ANKRD36: variants seen among roughly 807,000 people sequenced by gnomAD.
ANKRD36 encodes the protein ankyrin repeat domain 36, also known as ankyrin repeat domain-containing protein 36A.
Under a neutral mutation model 278.1 loss-of-function variants are expected in ANKRD36, and 179 were observed. That is an observed-to-expected ratio of 0.64 (90% CI 0.57 to 0.73). The LOEUF is 0.73. Among genes scored for constraint, ANKRD36 ranks in the 30% least tolerant of loss-of-function variants. The probability of loss-of-function intolerance (pLI) is 0.00; values close to 1 mark genes in which losing one functional copy is unlikely to be tolerated. For missense variants in ANKRD36, 1,159 were observed against 1,956.7 expected, an observed-to-expected ratio of 0.59 and a Z score of 7.69; for synonymous variants, 320 against 641.1, an observed-to-expected ratio of 0.50 and a Z score of 7.57.
chr2:97,219,470 T>TTTTTG (rs1408648845), intron 66 of ANKRD36, among the ~76,000 whole-genome samples: 5 of 152,076 alleles, frequency 3.3e-5, no homozygotes, highest in Admixed American at 2.6e-4. Context: ...TTTGTTTTGT[T>TTTTTG]TTTTGTTTTG....
At chr2:97,177,427 A>G (rs1462927359) in intron 22 of ANKRD36, among the ~76,000 whole-genome samples, 4 of 151,930 alleles carry the variant, frequency 2.6e-5, no homozygotes. Context: ...ACTTCAAACT[A>G]TACTACAAGG....
At chr2:97,146,211 C>G (rs928286915) in intron 10 of ANKRD36, among the ~76,000 whole-genome samples, 5 of 151,816 alleles carry the variant, frequency 3.3e-5, no homozygotes, top group Non-Finnish European at 7.4e-5. Flanking sequence ...AAGTTATCCA[C>G]CCACCTCAGC....
intron 1 of ANKRD36, among the ~76,000 whole-genome samples, chr2:97,116,074 G>A (rs2035238653): frequency 6.6e-6 from 1 of 151,906 alleles, no homozygotes; most frequent in African/African-American, 2.4e-5. Flanking sequence ...CCAAATATGT[G>A]TACAAAATGT....
At chr2:97,180,285 G>A (rs78660146) in intron 24 of ANKRD36, among the ~76,000 whole-genome samples, 2 of 151,564 alleles carry the variant, frequency 1.3e-5, no homozygotes, top group African/African-American at 4.8e-5. Context: ...TATAGGCATC[G>A]TATCATATTG....
At chr2:97,130,208 A>G (rs2039723524) in intron 6 of ANKRD36, among the ~76,000 whole-genome samples, 1 of 151,942 alleles carries the variant, frequency 6.6e-6, no homozygotes, top group Non-Finnish European at 1.5e-5. Flanking sequence ...AATGTCCAAC[A>G]CTGATAGACT....
chr2:97,164,854 G>A (rs938046750), intron 20 of ANKRD36, among the ~76,000 whole-genome samples: 6 of 152,018 alleles, frequency 3.9e-5, no homozygotes, highest in Admixed American at 1.3e-4. Context: ...AATTGTTTTA[G>A]AACTTCAACG....
intron 17 of ANKRD36, among the ~76,000 whole-genome samples, chr2:97,159,982 A>G (rs1371398627): frequency 6.6e-6 from 1 of 152,224 alleles, no homozygotes; most frequent in Non-Finnish European, 1.5e-5. Context: ...ACGGGGTTTC[A>G]CTGTGTTAGC....
intron 52 of ANKRD36, among the ~76,000 whole-genome samples, 199 bp from the exon 53 acceptor site, chr2:97,207,612 G>A (rs4063407): frequency 1.3e-5 from 2 of 151,552 alleles, no homozygotes; most frequent in Admixed American, 6.6e-5. Context: ...GAAATTCTAA[G>A]ACTATATTTC....
intron 6 of ANKRD36, among the ~76,000 whole-genome samples, chr2:97,131,172 C>T (rs1450160900): frequency 6.6e-6 from 1 of 151,692 alleles, no homozygotes; most frequent in Non-Finnish European, 1.5e-5. Context: ...ACACCTTTAA[C>T]CATTTATATA....
intron 18 of ANKRD36, chr2:97,164,016 CTA>C (rs2049954604): frequency 2.0e-6 from 2 of 985,274 alleles, no homozygotes; most frequent in African/African-American, 1.7e-5. Flanking sequence ...AAATACTTTT[CTA>C]TGTTACTTGT....
In ANKRD36 at chr2:97,191,220, A is replaced by T. The variant is rs1350435901; in HGVS notation, c.2347+39A>T. 7.9e-6 allele frequency: 12 copies of T among 1,522,744 alleles called. No homozygotes were observed. The South Asian group carries it at 1.5e-4, about 19-fold the overall frequency. The allele number at this position is 1,522,744 out of a possible 1,614,324, so 94.3% of individuals were successfully genotyped here. On this transcript the variant is annotated intron_variant, in intron 36 of 75. Coordinates refer to ENST00000420699, the MANE Select transcript of ANKRD36 (RefSeq NM_001354587.1). ...AGACATTTAATGTCATATTCAGTCCAGATAGATAAGAATTTCTCTTTCCTG... is the reference window on the plus strand; with the variant it reads ...AGACATTTAATGTCATATTCAGTCCTGATAGATAAGAATTTCTCTTTCCTG...
intron 1 of ANKRD36, 101 bp downstream of exon 1, chr2:97,114,037 G>C: frequency 2.0e-6 from 3 of 1,532,510 alleles, no homozygotes; most frequent in Non-Finnish European, 2.6e-6. Context: ...TCCGGGGCTC[G>C]GGGTTTGGAC....
intron 67 of ANKRD36, among the ~76,000 whole-genome samples, chr2:97,227,100 G>T (rs11681006): frequency 1.3e-5 from 2 of 152,128 alleles, no homozygotes; most frequent in Non-Finnish European, 2.9e-5. Flanking sequence ...GATTGACTTA[G>T]TGATGCGGGC....
intron 26 of ANKRD36, among the ~76,000 whole-genome samples, chr2:97,182,139 A>G (rs1245244806): frequency 6.6e-6 from 1 of 151,492 alleles, no homozygotes; most frequent in Non-Finnish European, 1.5e-5. Flanking sequence ...ATCACATCGT[A>G]TTGCTAAAAA....
chr2:97,184,537 G>A (rs1180302742), intron 28 of ANKRD36, among the ~76,000 whole-genome samples: 4 of 151,646 alleles, frequency 2.6e-5, no homozygotes, highest in Non-Finnish European at 5.9e-5. Context: ...GTTATTTTCA[G>A]TGAATATTGG....
intron 3 of ANKRD36, among the ~76,000 whole-genome samples, chr2:97,120,683 G>GA (rs1027510159): frequency 1.3e-5 from 2 of 150,146 alleles, no homozygotes; most frequent in Non-Finnish European, 3.0e-5. Context: ...GCCTATTTTG[G>GA]AAAAAAAAAT....
At chr2:97,228,594 G>C (rs2070771948) in intron 67 of ANKRD36, among the ~76,000 whole-genome samples, 1 of 151,882 alleles carries the variant, frequency 6.6e-6, no homozygotes, top group Non-Finnish European at 1.5e-5. Context: ...CCGGCTCCTG[G>C]ATTCATTAAT....
chr2:97,208,570 T>TA (rs1287379241), intron 54 of ANKRD36, among the ~76,000 whole-genome samples: 12 of 146,218 alleles, frequency 8.2e-5, no homozygotes, highest in Non-Finnish European at 1.3e-4. Context: ...AATATTTTCA[T>TA]AAAAAATATT....
intron 45 of ANKRD36, 45 bp downstream of exon 45, chr2:97,200,407 C>T (rs772121779): frequency 1.9e-6 from 3 of 1,602,732 alleles, no homozygotes; most frequent in African/African-American, 2.7e-5. Flanking sequence ...AACGTATAGC[C>T]TATGAAACAT....
Sources: gnomAD v4.1 joint callset for allele counts (sites outside exome capture counted in the v4.1 genomes callset) on GRCh38, gnomAD v4.1.1 for gene constraint, MANE v1.5 for transcripts, NCBI Gene and HGNC (gene_info 2026-07-23, HGNC 2026-07-21) for gene names.